GOSR1: variants seen among roughly 807,000 people sequenced by gnomAD.
The protein encoded by GOSR1 is golgi SNAP receptor complex member 1.
Under a neutral mutation model 35.5 loss-of-function variants are expected in GOSR1, and 21 were observed. The observed-to-expected ratio is 0.59, with a 90% CI of 0.42 to 0.85. The LOEUF (loss-of-function observed/expected upper bound fraction) is 0.85. Ranked by LOEUF, GOSR1 falls within the 40% of genes least tolerant of loss-of-function variation. GOSR1 has a pLI of 0.00. For synonymous variants in GOSR1, 94 were observed against 106.6 expected (o/e 0.88, Z 0.73); for missense variants, 285 against 309.6 (o/e 0.92, Z 0.60).
intron 7 of GOSR1, among the ~76,000 whole-genome samples, chr17:30,512,878 T>C (rs753542601): frequency 6.6e-6 from 1 of 152,154 alleles, no homozygotes; most frequent in Non-Finnish European, 1.5e-5. Context: ...GTAATATGAG[T>C]ATAAAAACTT....
intron 6 of GOSR1, among the ~76,000 whole-genome samples, chr17:30,506,569 A>G (rs895341308): frequency 6.6e-6 from 1 of 152,252 alleles, no homozygotes; most frequent in Non-Finnish European, 1.5e-5. Context: ...AGCCATCTCT[A>G]TAATATAGAA....
intron 6 of GOSR1, among the ~76,000 whole-genome samples, chr17:30,499,508 A>G (rs1967124064): frequency 6.6e-6 from 1 of 151,960 alleles, no homozygotes; most frequent in South Asian, 2.1e-4. Flanking sequence ...CGCCCAGCTA[A>G]TTTTTTGTAT....
rs1968124554 is a variant in GOSR1 at position 30,523,623 on chromosome 17, T to TG, written c.*1251dup. The TG allele has an allele frequency of 6.6e-6, 1 of 152,180 alleles. No individual in the cohort carries two copies. The highest frequency in any genetic ancestry group is 2.6e-5 in the African/African-American group (1 of 38,564). The allele number at this position is 152,180 out of a possible 1,614,324, so 9.4% of individuals were successfully genotyped here. ...CCAGCCGCCCCGTCCGGGAGGGAGGTGGGGGGCGCCTCTGCCCGGCCGCCC... is the reference window on the plus strand; with the variant it reads ...CCAGCCGCCCCGTCCGGGAGGGAGGTGGGGGGGCGCCTCTGCCCGGCCGCCC... On this transcript the variant is annotated 3_prime_UTR_variant, in exon 9 of 9. Transcript: ENST00000451249.
intron 6 of GOSR1, among the ~76,000 whole-genome samples, chr17:30,501,688 G>T (rs1249432483): frequency 6.6e-6 from 1 of 152,070 alleles, no homozygotes; most frequent in Non-Finnish European, 1.5e-5. Context: ...TAGAGATGGG[G>T]TTTCACCATC....
At chr17:30,502,852 A>G (rs947781813) in intron 6 of GOSR1, among the ~76,000 whole-genome samples, 5 of 152,230 alleles carry the variant, frequency 3.3e-5, no homozygotes, top group African/African-American at 1.2e-4. Flanking sequence ...CTGCAGCTTA[A>G]TTGTATTCAG....
intron 4 of GOSR1, among the ~76,000 whole-genome samples, chr17:30,488,089 T>C (rs1042472017): frequency 7.4e-6 from 1 of 135,906 alleles, no homozygotes; most frequent in Non-Finnish European, 1.6e-5. Context: ...CCAATTATTC[T>C]ATTGCTAGTC....
chr17:30,490,305 G>A, intron 5 of GOSR1, 88 bp downstream of exon 5: 1 of 643,554 alleles, frequency 1.6e-6, no homozygotes, highest in Non-Finnish European at 2.8e-6. Context: ...TTGAGTGGCA[G>A]AACCGTGGTT....
intron 7 of GOSR1, among the ~76,000 whole-genome samples, chr17:30,511,745 G>A (rs377441899): frequency 9.9e-4 from 150 of 152,184 alleles, no homozygotes; most frequent in Middle Eastern, 3.4e-3. Flanking sequence ...TGGCCAGTCT[G>A]GTCCCGAACT....
chr17:30,522,181 ATT>A (rs1401938103), intron 8 of GOSR1, 71 bp from the exon 9 acceptor site: 1 of 1,261,984 alleles, frequency 7.9e-7, no homozygotes, highest in Non-Finnish European at 1.1e-6. Context: ...ACTGATCTCT[ATT>A]TTTGTGATTC....
chr17:30,507,621 G>A (rs1967451111), intron 6 of GOSR1, among the ~76,000 whole-genome samples: 1 of 151,998 alleles, frequency 6.6e-6, no homozygotes, highest in African/African-American at 2.4e-5. Flanking sequence ...TACTCGGGAG[G>A]TTGAGGCAGA....
rs1217264004 is a variant in GOSR1 at position 30,523,305 on chromosome 17, G to A, written c.*927G>A. ...GAGATGTGGGGAGCGCCTCTGCCCC[G>A]CCGCCCCGTCTGGGATGTGAGGAGC... On this transcript the variant is annotated 3_prime_UTR_variant, in exon 9 of 9. Transcript: ENST00000451249. The A allele has an allele frequency of 4.0e-4, 72 of 179,488 alleles. 1 individual carries two copies. Among genetic ancestry groups the A allele is most frequent in the African/African-American group, 1.5e-3 (63 of 41,430 alleles). 11.1% of individuals were successfully genotyped at this position (179,488 alleles called of 1,614,324 possible).
At position 30,519,949 on chromosome 17, in the gene GOSR1, G is replaced by A. The variant is rs1967964033; in HGVS notation, c.550G>A (p.Ala184Thr). The A allele has an allele frequency of 1.2e-6, 2 of 1,601,878 alleles. No individual in the cohort carries two copies. The highest frequency in any genetic ancestry group is 1.1e-5 in the South Asian group (1 of 90,558). ...TTTTTCCCCTTGCAGCATTGCTATG[G>A]CAACAAAAGAAAATATGACTTCACA... Reference protein sequence around the residue: ...LIEETISIAMATKENMTSQRG... With the variant: ...LIEETISIAMTTKENMTSQRG... The change falls in exon 8 of 9, where the codon GCA becomes ACA. Residue 184 changes from alanine to threonine, a missense_variant. Coordinates refer to ENST00000451249, the MANE Select transcript of GOSR1 (RefSeq NM_001007025.2).
intron 6 of GOSR1, among the ~76,000 whole-genome samples, chr17:30,505,708 ATGT>A: frequency 6.6e-6 from 1 of 152,214 alleles, no homozygotes; most frequent in African/African-American, 2.4e-5. Flanking sequence ...AACTTAATAA[ATGT>A]TGTGTATGTG....
At chr17:30,485,911 A>G (rs1293325186) in intron 4 of GOSR1, among the ~76,000 whole-genome samples, 5 of 151,550 alleles carry the variant, frequency 3.3e-5, no homozygotes, top group East Asian at 1.9e-4. Context: ...AATCCCAGCT[A>G]CTTGTGAGGC....
intron 6 of GOSR1, among the ~76,000 whole-genome samples, chr17:30,505,481 A>G (rs1204229305): frequency 6.6e-6 from 1 of 152,202 alleles, no homozygotes; most frequent in Non-Finnish European, 1.5e-5. Flanking sequence ...CACTTTACAG[A>G]TACTATTTTT....
chr17:30,499,741 G>C (rs958060681), intron 6 of GOSR1, among the ~76,000 whole-genome samples: 1 of 152,188 alleles, frequency 6.6e-6, no homozygotes, highest in Non-Finnish European at 1.5e-5. Flanking sequence ...TTCCAAAGTG[G>C]TTATACCATT....
chr17:30,485,139 G>A, intron 4 of GOSR1: 5 of 313,632 alleles, frequency 1.6e-5, no homozygotes, highest in Non-Finnish European at 2.5e-5. Context: ...ATATGGAGGG[G>A]GAATTATTTA....
rs145514527 is a variant in GOSR1, at chr17:30,484,275, A to T, written c.208A>T (p.Ile70Phe). The change falls in exon 3 of 9, where the codon ATT (isoleucine) becomes TTT (phenylalanine). Residue 70 changes from isoleucine (I) to phenylalanine (F), a missense_variant. Around this residue, in one of 3 missense-constraint regions of GOSR1, gnomAD observed 108 missense variants for 98.9 expected, o/e 1.09. Coordinates refer to ENST00000451249, the MANE Select transcript of GOSR1 (RefSeq NM_001007025.2). ...SQDRMFETMAIEIEQLLARLT... is the reference protein window; with the variant it reads ...SQDRMFETMAFEIEQLLARLT... ...AGACAGAATGTTTGAGACAATGGCG[A>T]TTGAGATTGAACAACTTTTGGCAAG... 1.2e-6 allele frequency: 2 copies of T among 1,610,804 alleles called. No homozygotes were observed. Among genetic ancestry groups the T allele is most frequent in the Non-Finnish European group, 1.7e-6 (2 of 1,177,030 alleles).
At chr17:30,518,892 C>T (rs929563839) in intron 7 of GOSR1, among the ~76,000 whole-genome samples, 1 of 152,096 alleles carries the variant, frequency 6.6e-6, no homozygotes, top group African/African-American at 2.4e-5. Context: ...GCAATAGCCA[C>T]AGTCACACCA....
Sources: allele counts gnomAD v4.1 joint callset (sites outside exome capture counted in the v4.1 genomes callset), GRCh38; gene constraint gnomAD v4.1.1; regional missense constraint gnomAD v4.1.1; transcripts MANE v1.5; gene names NCBI Gene and HGNC (gene_info 2026-07-23, HGNC 2026-07-21).